EWSR1: variants seen among roughly 807,000 people sequenced by gnomAD.
The protein encoded by EWSR1 is EWS RNA binding protein 1.
EWSR1 carries 14 observed loss-of-function variants against 92.1 expected under a neutral mutation model. That is an observed-to-expected ratio of 0.15 (90% CI 0.10 to 0.24). The LOEUF (loss-of-function observed/expected upper bound fraction) is 0.24, where lower values mean the gene tolerates loss of function less well. EWSR1 is among the 10% of genes least tolerant of loss of function. EWSR1 has a pLI of 1.00. For missense variants in EWSR1, 637 were observed against 870.9 expected (o/e 0.73, Z 3.38); for synonymous variants, 303 against 292.9 (o/e 1.03, Z -0.35).
At position 29,298,906 on chromosome 22, in the gene EWSR1, G is replaced by A. The variant is rs751010906; in HGVS notation, c.1580+11G>A. 5.9e-6 allele frequency: 9 copies of A among 1,532,774 alleles called. No homozygotes were observed. The East Asian group carries it at 1.8e-4, about 31-fold the overall frequency. The allele number at this position is 1,532,774 out of a possible 1,614,324, so 94.9% of individuals were successfully genotyped here. A position where few individuals can be genotyped will look rare whatever the true frequency, so the allele number is the denominator to read the frequency against. On this transcript the variant is annotated intron_variant, in intron 14 of 16. Transcript: ENST00000397938. ...GCAGTGTCCCAATCCGTATGTACTT[G>A]TCTTGGCAAATTGATACCCTACGAG...
intron 1 of EWSR1, chr22:29,269,780 C>T (rs2058507274): frequency 2.0e-5 from 3 of 152,228 alleles, no homozygotes; most frequent in African/African-American, 7.2e-5. Context: ...CCTAGGTGCC[C>T]TATCCACCCT....
chr22:29,292,116 A>G (rs776319469), intron 9 of EWSR1, 21 bp from the exon 10 acceptor site: 15 of 1,611,986 alleles, frequency 9.3e-6, no homozygotes, highest in Non-Finnish European at 7.6e-6. Context: ...AATATTTTAT[A>G]TGATCTTTCC....
At chr22:29,281,214 C>A (rs1042427452) in intron 5 of EWSR1, among the ~76,000 whole-genome samples, 2 of 151,936 alleles carry the variant, frequency 1.3e-5, no homozygotes, top group East Asian at 3.9e-4. Context: ...GGGGTTTCTC[C>A]ATGTTGGCCA....
At chr22:29,286,585 G>C (rs966775427) in intron 6 of EWSR1, among the ~76,000 whole-genome samples, 1 of 150,916 alleles carries the variant, frequency 6.6e-6, no homozygotes, top group Non-Finnish European at 1.5e-5. Context: ...TACTCGGGAG[G>C]CTGCGGCAGG....
intron 1 of EWSR1, chr22:29,269,133 A>G (rs906146959): frequency 6.6e-6 from 1 of 152,198 alleles, no homozygotes; most frequent in Non-Finnish European, 1.5e-5. Context: ...GTTGTATAAT[A>G]AGGCCAGCCT....
chr22:29,288,876 A>C, intron 8 of EWSR1, 90 bp downstream of exon 8: 2 of 1,238,232 alleles, frequency 1.6e-6, no homozygotes, highest in East Asian at 2.7e-5. Flanking sequence ...ATAAGAAATT[A>C]ATTTCTGCAT....
At chr22:29,275,871 T>C (rs1284098408) in intron 4 of EWSR1, 2 of 232,240 alleles carry the variant, frequency 8.6e-6, no homozygotes, top group Non-Finnish European at 1.7e-5. Flanking sequence ...TTCCTTCAAG[T>C]TGTCAGCACA....
At chr22:29,272,152 C>G in intron 1 of EWSR1, 64 bp from the exon 2 acceptor site, 2 of 1,459,554 alleles carry the variant, frequency 1.4e-6, no homozygotes, top group Admixed American at 1.7e-5. Flanking sequence ...ATTCTTTCCC[C>G]CTTTTTTCTC....
chr22:29,298,748 GA>G lies in EWSR1; in HGVS notation c.1434del (p.Gly479ValfsTer147). The G allele has an allele frequency of 6.2e-7, 1 of 1,613,674 alleles. No individual in the cohort carries two copies. Among genetic ancestry groups the G allele is most frequent in the Non-Finnish European group, 8.5e-7 (1 of 1,179,984 alleles). ...CTTGTTGTAGGTCCAGGAGGCCCAG[GA>G]GGTCCTGGGGGACCCATGGGTCGCA... Reference protein sequence around the residue: ...PPLRGGPGGPGGPGGPMGRMG... With the variant: ...PPLRGGPGGPXGPGGPMGRMG... On this transcript the variant is annotated frameshift_variant, in exon 14 of 17. Transcript: ENST00000397938. LOFTEE classifies it high-confidence loss of function.
intron 5 of EWSR1, among the ~76,000 whole-genome samples, chr22:29,280,817 GTGCCCGCCACTC>G (rs1311585088): frequency 1.4e-5 from 2 of 145,450 alleles, no homozygotes; most frequent in Admixed American, 1.4e-4. Flanking sequence ...GGGATTACAG[GTGCCCGCCACTC>G]TGCCCAGCTA....
intron 5 of EWSR1, among the ~76,000 whole-genome samples, chr22:29,278,743 T>A (rs896636696): frequency 2.9e-4 from 44 of 151,680 alleles, no homozygotes; most frequent in Non-Finnish European, 8.8e-5. Flanking sequence ...GAGAATGTCA[T>A]GAACCCGAGA....
At chr22:29,268,488 T>G in intron 1 of EWSR1, 139 bp downstream of exon 1, 4 of 1,497,472 alleles carry the variant, frequency 2.7e-6, no homozygotes, top group Non-Finnish European at 3.7e-6. Flanking sequence ...CCCGACGAGC[T>G]CGGGGATCCG....
chr22:29,285,984 C>A (rs573952806), intron 6 of EWSR1, among the ~76,000 whole-genome samples: 2 of 151,692 alleles, frequency 1.3e-5, no homozygotes, highest in Non-Finnish European at 2.9e-5. Context: ...ACTACAGGCG[C>A]CCACCACCAG....
chr22:29,297,258 CT>C (rs918515650), intron 12 of EWSR1, among the ~76,000 whole-genome samples: 1 of 152,206 alleles, frequency 6.6e-6, no homozygotes, highest in Non-Finnish European at 1.5e-5. Context: ...TCAAGCCAAT[CT>C]TGTGCGTCAG....
At chr22:29,280,696 G>A (rs1033354684) in intron 5 of EWSR1, among the ~76,000 whole-genome samples, 2 of 146,594 alleles carry the variant, frequency 1.4e-5, no homozygotes, top group African/African-American at 5.0e-5. Flanking sequence ...TTTTTAAGAT[G>A]GAGTTTTGCT....
rs529273652 is a variant in EWSR1, at chr22:29,294,099, C to T, written c.1164+1493C>T. On this transcript the variant is annotated intron_variant, in intron 11 of 16. Transcript: ENST00000397938. ...GGCTGGTCTTGAACTTCTGACCTCA[C>T]GTGATCCACCCACCTAGGCCTCCCA... Among the ~76,000 whole-genome samples the T allele has an allele frequency of 8.6e-5, 13 of 151,432 alleles. No homozygotes were observed. The South Asian group carries it at 2.7e-3, about 32-fold the overall frequency.
rs779704391 is a variant in EWSR1, at chr22:29,296,310, T to C, written c.1236T>C (p.Asp412=). Residue 412 remains aspartate, a synonymous_variant, in exon 12 of 17, where the codon GAT becomes GAC. Transcript: ENST00000397938. The part of the protein sequence containing the change: ...LDKETGKPKG[D]ATVSYEDPPT... The stretch of plus-strand genomic sequence containing the variant: ...AGGAAACAGGAAAGCCCAAAGGCGA[T>C]GCCACAGTGTCCTATGAAGACCCAC... The C allele has an allele frequency of 1.2e-6, 2 of 1,614,238 alleles. No individual in the cohort carries two copies. Among genetic ancestry groups the C allele is most frequent in the East Asian group, 2.2e-5 (1 of 44,892 alleles).
chr22:29,281,380 T>G (rs544415322), intron 5 of EWSR1, among the ~76,000 whole-genome samples: 2 of 115,740 alleles, frequency 1.7e-5, no homozygotes, highest in Admixed American at 1.9e-4. Context: ...AACAGCTCAC[T>G]GCAGCCTTCA....
rs756462778 is a variant in EWSR1 at position 29,268,303 on chromosome 22, C to A, written c.-34C>A. On this transcript the variant is annotated 5_prime_UTR_variant, in exon 1 of 17. Coordinates refer to ENST00000397938, the MANE Select transcript of EWSR1 (RefSeq NM_005243.4). ...GCCTAGAGGGAAAGCGAGAGGGAGA[C>A]GGACGTTGAGAGAACGAGGAGGAAG... The A allele has an allele frequency of 1.9e-6, 3 of 1,611,024 alleles. No individual in the cohort carries two copies. Among genetic ancestry groups the A allele is most frequent in the East Asian group, 2.2e-5 (1 of 44,858 alleles).
Sources: gnomAD v4.1 joint callset for allele counts (sites outside exome capture counted in the v4.1 genomes callset) on GRCh38, gnomAD v4.1.1 for gene constraint, MANE v1.5 for transcripts, NCBI Gene and HGNC (gene_info 2026-07-23, HGNC 2026-07-21) for gene names.